The following TMEM74B variants were observed in gnomAD, a reference collection of about 807,000 sequenced individuals.
TMEM74B encodes transmembrane protein C20orf46.
In TMEM74B, 7 loss-of-function variants were observed where a neutral mutation model predicts 6.5. The ratio of observed to expected loss-of-function variants is 1.07; its 90% CI spans 0.61 to 2.01. TMEM74B has a LOEUF of 2.01. Ranked by LOEUF, TMEM74B falls within the 30% of genes most tolerant of loss-of-function variation. The probability of loss-of-function intolerance (pLI) is 0.00; values close to 1 mark genes in which losing one functional copy is unlikely to be tolerated. For missense variants in TMEM74B, 342 were observed against 337.0 expected, an observed-to-expected ratio of 1.01 and a Z score of -0.12; for synonymous variants, 151 against 151.6, an observed-to-expected ratio of 1.00 and a Z score of 0.03.
chr20:1,183,388 CAAAG>C (rs1257917100), intron 2 of TMEM74B, among the ~76,000 whole-genome samples: 4 of 151,986 alleles, frequency 2.6e-5, no homozygotes, highest in Non-Finnish European at 5.9e-5. Context: ...GAATGAAACT[CAAAG>C]AGCCTCAGTG....
In TMEM74B at chr20:1,181,134, A is replaced by G. The variant is rs1487511679; in HGVS notation, c.485T>C (p.Leu162Pro). ...GCCTAGGCGGGCGTAGTACATCTCCAGTCGTTCCATCTCCCGCGCTGTCAC... is the reference window on the plus strand; with the variant it reads ...GCCTAGGCGGGCGTAGTACATCTCCGGTCGTTCCATCTCCCGCGCTGTCAC... ...DTVTAREMER[L>P]EMYYARLGSH... Residue 162 changes from leucine (L) to proline (P), a missense_variant, in exon 3 of 3, where the codon CTG (leucine) becomes CCG (proline). Leu to Pro is a moderately conservative substitution (Grantham distance 98). Transcript: ENST00000429036. This position sits in a 1 kb window ranked among gnomAD's most constrained non-coding sequence, Gnocchi z 4.9. 6.2e-7 allele frequency: 1 copy of G among 1,613,952 alleles called. No homozygotes were observed. The highest frequency in any genetic ancestry group is 1.7e-5 in the Admixed American group (1 of 60,002).
intron 2 of TMEM74B, among the ~76,000 whole-genome samples, chr20:1,182,289 G>T (rs1312427378): frequency 6.6e-6 from 1 of 151,928 alleles, no homozygotes; most frequent in Non-Finnish European, 1.5e-5. Context: ...AAGATGAATT[G>T]GATACTTCCC....
At chr20:1,188,643 A>G (rs564371429), upstream of TMEM74B, among the ~76,000 whole-genome samples, 150 of 151,422 alleles carry the variant, frequency 9.9e-4, no homozygotes, top group African/African-American at 3.4e-3. Context: ...CACTACCTAC[A>G]CACACCACAC....
rs748554377 is a variant in TMEM74B at position 1,181,600 on chromosome 20, A to G, written c.32-13T>C. ...GGCCCCTTGGCAGCTGGAAGAGAAA[A>G]AAGAAAGTCAGTTGAATGTAGCAAC... On this transcript the variant is annotated splice_polypyrimidine_tract_variant and intron_variant, in intron 2 of 2. Coordinates refer to ENST00000429036, the MANE Select transcript of TMEM74B (RefSeq NM_001304748.2). The surrounding 1 kb of genome is among the most constrained non-coding windows in gnomAD (Gnocchi z 4.9). The G allele has an allele frequency of 1.4e-5, 20 of 1,452,434 alleles. No homozygotes were observed. Among genetic ancestry groups the G allele is most frequent in the Non-Finnish European group, 1.5e-5 (17 of 1,109,718 alleles). 90.0% of individuals were successfully genotyped at this position (1,452,434 alleles called of 1,614,324 possible).
At chr20:1,188,129 A>G (rs1255717686), upstream of TMEM74B, among the ~76,000 whole-genome samples, 2 of 150,892 alleles carry the variant, frequency 1.3e-5, no homozygotes, top group African/African-American at 4.9e-5. Context: ...AGATGATTAC[A>G]TACAGAAAGT....
chr20:1,183,310 G>GTGTT (rs1472649278), intron 2 of TMEM74B, among the ~76,000 whole-genome samples: 21 of 144,336 alleles, frequency 1.5e-4, no homozygotes, highest in African/African-American at 4.7e-4. Context: ...GTGTGTGTGT[G>GTGTT]TGTGTTTGTG....
upstream of TMEM74B, among the ~76,000 whole-genome samples, chr20:1,188,978 C>T (rs1356816271): frequency 1.3e-5 from 1 of 77,306 alleles, no homozygotes; most frequent in Non-Finnish European, 2.4e-5. Flanking sequence ...TTATGGAAAG[C>T]GCTGGGGTGG....
At position 1,183,857 on chromosome 20, in the gene TMEM74B, T is replaced by C; in HGVS notation, c.-56A>G. ...CCTCACTCATAGACTCTTCATTTTA[T>C]CCAGCTGTTTATCAGCAACCGTGAG... On this transcript the variant is annotated 5_prime_UTR_variant, in exon 2 of 3. Coordinates refer to ENST00000429036, the MANE Select transcript of TMEM74B (RefSeq NM_001304748.2). The C allele has an allele frequency of 6.2e-7, 1 of 1,606,774 alleles. No individual in the cohort carries two copies. The highest frequency in any genetic ancestry group is 2.2e-5 in the East Asian group (1 of 44,694).
chr20:1,187,589 G>C (rs141611672), upstream of TMEM74B, among the ~76,000 whole-genome samples: 8 of 152,334 alleles, frequency 5.3e-5, no homozygotes, highest in Admixed American at 5.2e-4. Flanking sequence ...CTAGTCTTGG[G>C]GATAGGAATG....
At chr20:1,183,310 G>GTT (rs1568496179) in intron 2 of TMEM74B, among the ~76,000 whole-genome samples, 190 of 144,330 alleles carry the variant, frequency 1.3e-3, no homozygotes, top group African/African-American at 4.5e-3. Context: ...GTGTGTGTGT[G>GTT]TGTGTTTGTG....
In TMEM74B at chr20:1,183,889, G is replaced by T; in HGVS notation, c.-88C>A. 1 of 1,517,034 alleles carries T rather than the reference G, an allele frequency of 6.6e-7. No homozygotes were observed. 94.0% of individuals were successfully genotyped at this position (1,517,034 alleles called of 1,614,324 possible). A position where few individuals can be genotyped will look rare whatever the true frequency, so the allele number is the denominator to read the frequency against. On this transcript the variant is annotated 5_prime_UTR_variant, in exon 2 of 3. Coordinates refer to ENST00000429036, the MANE Select transcript of TMEM74B (RefSeq NM_001304748.2). ...GTTTATCAGCAACCGTGAGCACCTT[G>T]AGAGCAGGCATAAGTTTGAATTCCA...
At position 1,181,362 on chromosome 20, in the gene TMEM74B, C is replaced by A. The variant is rs1311883928; in HGVS notation, c.257G>T (p.Ser86Ile). 1 of 1,556,714 alleles carries A rather than the reference C, an allele frequency of 6.4e-7. No individual in the cohort carries two copies. The highest frequency in any genetic ancestry group is 2.3e-5 in the East Asian group (1 of 44,322). The part of the protein sequence containing the change: ...PGNTRLGSSP[S>I]PPGGVSSLPR... ...CAGTGAGGAGACACCCCCAGGGGGA[C>A]TGGGTGAGCTGCCCAGTCTCGTGTT... Residue 86 changes from serine to isoleucine, a missense_variant, in exon 3 of 3, where the codon AGT becomes ATT. Transcript: ENST00000429036. This position sits in a 1 kb window ranked among gnomAD's most constrained non-coding sequence, Gnocchi z 4.9.
chr20:1,183,754 T>C lies in TMEM74B; in HGVS notation c.31+17A>G, dbSNP rs2122681234. On this transcript the variant is annotated intron_variant, in intron 2 of 2. Coordinates refer to ENST00000429036, the MANE Select transcript of TMEM74B (RefSeq NM_001304748.2). ...AGTTGAATGCAGATTCCCTAAGAAT[T>C]ATTATCATGTACAAACCTGCAAACT... 1 of 1,613,892 alleles carries C rather than the reference T, an allele frequency of 6.2e-7. No homozygotes were observed. The highest frequency in any genetic ancestry group is 8.5e-7 in the Non-Finnish European group (1 of 1,179,932).
chr20:1,180,728 C>T lies in TMEM74B; in HGVS notation c.*120G>A. ...CCTCCAGCACCCAGTACTTCTTCCACAAGGCCCTATGTGAGCTCAGTTTAA... is the reference window on the plus strand; with the variant it reads ...CCTCCAGCACCCAGTACTTCTTCCATAAGGCCCTATGTGAGCTCAGTTTAA... On this transcript the variant is annotated 3_prime_UTR_variant, in exon 3 of 3. Transcript: ENST00000429036. This position sits in a 1 kb window ranked among gnomAD's most constrained non-coding sequence, Gnocchi z 6.1. The T allele has an allele frequency of 7.1e-7, 1 of 1,404,768 alleles. No individual in the cohort carries two copies. The highest frequency in any genetic ancestry group is 9.5e-7 in the Non-Finnish European group (1 of 1,055,448). 87.0% of individuals were successfully genotyped at this position (1,404,768 alleles called of 1,614,324 possible). A position where few individuals can be genotyped will look rare whatever the true frequency, so the allele number is the denominator to read the frequency against.
In TMEM74B at chr20:1,181,001, G is replaced by A. The variant is rs1275789060; in HGVS notation, c.618C>T (p.Arg206=). The A allele has an allele frequency of 6.2e-7, 1 of 1,614,058 alleles. No individual in the cohort carries two copies. The highest frequency in any genetic ancestry group is 1.1e-5 in the South Asian group (1 of 91,060). The part of the protein sequence containing the change: ...MVSLCKGELY[R]RRTFVPGKGS... ...CCTTGCCGGGGACGAAGGTCCTCCGGCGGTACAGCTCGCCCTTGCACAGGG... is the reference window on the plus strand; with the variant it reads ...CCTTGCCGGGGACGAAGGTCCTCCGACGGTACAGCTCGCCCTTGCACAGGG... The change falls in exon 3 of 3, where the codon CGC becomes CGT. Residue 206 remains arginine (R), a synonymous_variant. Transcript: ENST00000429036. This position sits in a 1 kb window ranked among gnomAD's most constrained non-coding sequence, Gnocchi z 4.9.
rs147350628 is a variant in TMEM74B at position 1,182,433 on chromosome 20, C to T, written c.32-846G>A. On this transcript the variant is annotated intron_variant, in intron 2 of 2. Coordinates refer to ENST00000429036, the MANE Select transcript of TMEM74B (RefSeq NM_001304748.2). ...GCCATGCAGAGCTGAGGAGCTGGAG[C>T]AGGAAGTGCCTCGGCTTCAGAAGAA... 4.3e-3 allele frequency among the ~76,000 whole-genome samples: 652 copies of T among 150,830 alleles called. 10 individuals are homozygous for T. The highest frequency in any genetic ancestry group is 9.4e-4 in the Non-Finnish European group (64 of 67,812).
Position 1,181,549 on chromosome 20 carries a change from G to T in TMEM74B, c.70C>A (p.Pro24Thr). 6.8e-7 allele frequency: 1 copy of T among 1,476,288 alleles called. No homozygotes were observed. The highest frequency in any genetic ancestry group is 8.9e-7 in the Non-Finnish European group (1 of 1,117,966). 91.4% of individuals were successfully genotyped at this position (1,476,288 alleles called of 1,614,324 possible). ...GPRDELGPSF[P>T]MASPPGLELK... is the part of the protein sequence containing the mutation. Reference sequence around the variant, plus strand: ...TCCAGACCAGGGGGAGATGCCATTGGGAAGGAGGGCCCCAGCTCATCCCTT... The same window carrying T: ...TCCAGACCAGGGGGAGATGCCATTGTGAAGGAGGGCCCCAGCTCATCCCTT... The change falls in exon 3 of 3, where the codon CCA (proline) becomes ACA (threonine). Residue 24 changes from proline (P) to threonine (T), a missense_variant. Pro to Thr is a conservative substitution (Grantham distance 38, BLOSUM62 -1). Coordinates refer to ENST00000429036, the MANE Select transcript of TMEM74B (RefSeq NM_001304748.2). This position sits in a 1 kb window ranked among gnomAD's most constrained non-coding sequence, Gnocchi z 4.9.
chr20:1,181,361 A>C lies in TMEM74B; in HGVS notation c.258T>G (p.Ser86Arg). The C allele has an allele frequency of 6.4e-7, 1 of 1,559,158 alleles. No individual in the cohort carries two copies. Among genetic ancestry groups the C allele is most frequent in the Non-Finnish European group, 8.7e-7 (1 of 1,150,254 alleles). Residue 86 changes from serine (S) to arginine (R), a missense_variant, in exon 3 of 3, where the codon AGT becomes AGG. Physicochemically the swap from Ser to Arg is moderately radical, Grantham distance 110. Coordinates refer to ENST00000429036, the MANE Select transcript of TMEM74B (RefSeq NM_001304748.2). The surrounding 1 kb of genome is among the most constrained non-coding windows in gnomAD (Gnocchi z 4.9). ...PGNTRLGSSP[S>R]PPGGVSSLPR... ...GCAGTGAGGAGACACCCCCAGGGGG[A>C]CTGGGTGAGCTGCCCAGTCTCGTGT... is the stretch of plus-strand genomic sequence containing the variant.
In TMEM74B at chr20:1,181,474, G is replaced by C. The variant is rs1253589580; in HGVS notation, c.145C>G (p.Leu49Val). 6.6e-7 allele frequency: 1 copy of C among 1,513,820 alleles called. No homozygotes were observed. Among genetic ancestry groups the C allele is most frequent in the East Asian group, 2.3e-5 (1 of 43,614 alleles). 93.8% of individuals were successfully genotyped at this position (1,513,820 alleles called of 1,614,324 possible). ...GPQAPRRSAPLGPVAPTREGV... is the reference protein window; with the variant it reads ...GPQAPRRSAPVGPVAPTREGV... ...TCCCTGGTTGGGGCCACTGGGCCCAGGGGAGCTGATCTCCTTGGGGCTTGG... is the reference window on the plus strand; with the variant it reads ...TCCCTGGTTGGGGCCACTGGGCCCACGGGAGCTGATCTCCTTGGGGCTTGG... Residue 49 changes from leucine to valine, a missense_variant, in exon 3 of 3, where the codon CTG becomes GTG. Leu to Val is a conservative substitution (Grantham distance 32). Coordinates refer to ENST00000429036, the MANE Select transcript of TMEM74B (RefSeq NM_001304748.2). This position sits in a 1 kb window ranked among gnomAD's most constrained non-coding sequence, Gnocchi z 4.9.
Sources: gnomAD v4.1 joint callset for allele counts (sites outside exome capture counted in the v4.1 genomes callset) on GRCh38, gnomAD v4.1.1 for gene constraint, Gnocchi (gnomAD v3.1) non-coding constraint, MANE v1.5 for transcripts, NCBI Gene and HGNC (gene_info 2026-07-23, HGNC 2026-07-21) for gene names.